UBE2L3: variants seen among roughly 807,000 people sequenced by gnomAD.
UBE2L3 encodes the protein ubiquitin-conjugating enzyme E2 L3.
Under a neutral mutation model 17.8 loss-of-function variants are expected in UBE2L3, and 1 was observed. That is an observed-to-expected ratio of 0.06 (90% CI 0.02 to 0.27). The LOEUF (loss-of-function observed/expected upper bound fraction) is 0.27. Ranked by LOEUF, UBE2L3 falls within the 10% of genes least tolerant of loss-of-function variation. The probability of loss-of-function intolerance (pLI) is 1.00; values close to 1 mark genes in which losing one functional copy is unlikely to be tolerated. For synonymous variants in UBE2L3, 44 were observed against 68.5 expected, an observed-to-expected ratio of 0.64 and a Z score of 1.76; for missense variants, 40 against 192.6, an observed-to-expected ratio of 0.21 and a Z score of 4.69.
At chr22:21,586,875 C>CTTTT (rs34463645) in intron 1 of UBE2L3, among the ~76,000 whole-genome samples, 1 of 118,928 alleles carries the variant, frequency 8.4e-6, no homozygotes, top group Non-Finnish European at 1.7e-5. Context: ...TGTGCCCGGC[C>CTTTT]TTTTTTTTTT....
At chr22:21,577,928 G>A (rs1927404122) in intron 1 of UBE2L3, among the ~76,000 whole-genome samples, 1 of 152,190 alleles carries the variant, frequency 6.6e-6, no homozygotes, top group Non-Finnish European at 1.5e-5. Flanking sequence ...CAGGGCTCAT[G>A]TGATGCTCCA....
intron 1 of UBE2L3, among the ~76,000 whole-genome samples, chr22:21,558,518 C>T (rs1428050421): frequency 6.6e-6 from 1 of 151,748 alleles, no homozygotes; most frequent in African/African-American, 2.4e-5. Flanking sequence ...GTAGTCCCAG[C>T]TACTTGGGAG....
chr22:21,617,286 G>A (rs146729862), intron 3 of UBE2L3, among the ~76,000 whole-genome samples: 1,662 of 151,688 alleles, frequency 0.011, 35 homozygotes, highest in African/African-American at 0.037. Flanking sequence ...TTTGTTGGGG[G>A]GACAGAGTCT....
chr22:21,620,602 C>T (rs1466353553), intron 3 of UBE2L3, among the ~76,000 whole-genome samples: 1 of 152,116 alleles, frequency 6.6e-6, no homozygotes, highest in Non-Finnish European at 1.5e-5. Flanking sequence ...TCCTTCCACC[C>T]TGGGGCACGT....
At chr22:21,578,376 AAAG>A (rs909940403) in intron 1 of UBE2L3, among the ~76,000 whole-genome samples, 4 of 151,818 alleles carry the variant, frequency 2.6e-5, no homozygotes, top group Non-Finnish European at 5.9e-5. Context: ...AAAAAAAAAA[AAAG>A]AACAGTCAGC....
chr22:21,580,112 T>TC lies in UBE2L3; in HGVS notation c.27+12344dup, dbSNP rs572626480. On this transcript the variant is annotated intron_variant, in intron 1 of 3. Coordinates refer to ENST00000342192, the MANE Select transcript of UBE2L3 (RefSeq NM_003347.4). ...CAGAGCAAGCTAAGCCCTCCTGGGATCCCACAGAGTAAACAGGAAAACCTG... is the reference window on the plus strand; with the variant it reads ...CAGAGCAAGCTAAGCCCTCCTGGGATCCCCACAGAGTAAACAGGAAAACCTG... Among the ~76,000 whole-genome samples the TC allele has an allele frequency of 3.4e-3, 517 of 152,312 alleles. 5 individuals are homozygous for TC. The highest frequency in any genetic ancestry group is 0.011 in the African/African-American group (467 of 41,568).
At chr22:21,600,214 C>T (rs1024451718) in intron 2 of UBE2L3, among the ~76,000 whole-genome samples, 5 of 151,694 alleles carry the variant, frequency 3.3e-5, no homozygotes, top group African/African-American at 1.2e-4. Context: ...TTGGGAGGCT[C>T]AGCCAGGAGA....
At chr22:21,615,444 ACT>A (rs1929717876) in intron 3 of UBE2L3, among the ~76,000 whole-genome samples, 1 of 150,976 alleles carries the variant, frequency 6.6e-6, no homozygotes, top group Admixed American at 6.6e-5. Flanking sequence ...AGTCCCAGCT[ACT>A]CGGGAGGCTG....
intron 1 of UBE2L3, among the ~76,000 whole-genome samples, chr22:21,589,399 G>A (rs142184663): frequency 0.014 from 2,071 of 151,882 alleles, 42 homozygotes; most frequent in Middle Eastern, 0.055. Context: ...CGCCCACCTC[G>A]GCCTCCCGAA....
intron 1 of UBE2L3, among the ~76,000 whole-genome samples, chr22:21,570,538 A>G (rs886840455): frequency 1.3e-5 from 2 of 152,210 alleles, no homozygotes; most frequent in African/African-American, 4.8e-5. Context: ...TCCTGGCTCC[A>G]GGATCCAAAT....
chr22:21,590,834 T>G (rs1568978596), intron 1 of UBE2L3, among the ~76,000 whole-genome samples: 1 of 152,140 alleles, frequency 6.6e-6, no homozygotes, highest in Non-Finnish European at 1.5e-5. Context: ...CCACCCCAGA[T>G]TCCTTTTTCC....
chr22:21,567,469 T>C (rs1926687891), upstream of UBE2L3: 1 of 566,286 alleles, frequency 1.8e-6, no homozygotes, highest in Admixed American at 3.8e-5. Flanking sequence ...GGTCAACTAT[T>C]TTATGCAATC....
At chr22:21,601,647 T>C (rs1227529321) in intron 2 of UBE2L3, among the ~76,000 whole-genome samples, 1 of 151,588 alleles carries the variant, frequency 6.6e-6, no homozygotes, top group Admixed American at 6.6e-5. Context: ...CCAGAGTGGA[T>C]CACGAAGGCT....
In UBE2L3 at chr22:21,621,701, G is replaced by A. The variant is rs761512416; in HGVS notation, c.*32G>A. 3.2e-6 allele frequency: 5 copies of A among 1,549,262 alleles called. No individual in the cohort carries two copies. In the South Asian group the frequency reaches 5.7e-5, roughly 18 times the overall value. ...CCACGATTGGTTCCAGCAAGTGTGA[G>A]CAGAGACCCCGTGCAGTGCATTCAG... On this transcript the variant is annotated 3_prime_UTR_variant, in exon 4 of 4. Transcript: ENST00000342192.
At chr22:21,560,576 A>G (rs1926398701) in intron 1 of UBE2L3, among the ~76,000 whole-genome samples, 1 of 147,430 alleles carries the variant, frequency 6.8e-6, no homozygotes, top group South Asian at 2.2e-4. Flanking sequence ...TCAGCCTCCC[A>G]AGTAGCTGGG....
rs200733653 is a variant in UBE2L3 at position 21,606,077 on chromosome 22, G to C, written c.124-4780G>C. ...AGGCTGTTGCTACTCCCATTTTACA[G>C]ATGTACAGGAACATTCTCAGACTCT... On this transcript the variant is annotated intron_variant, in intron 2 of 3. Transcript: ENST00000342192. Among the ~76,000 whole-genome samples the C allele has an allele frequency of 3.9e-5, 6 of 152,334 alleles. No homozygotes were observed. In the East Asian group the frequency reaches 1.2e-3, roughly 29 times the overall value.
intron 1 of UBE2L3, among the ~76,000 whole-genome samples, chr22:21,568,690 CTG>C (rs1156968004): frequency 6.6e-6 from 1 of 152,122 alleles, no homozygotes; most frequent in Admixed American, 6.6e-5. Flanking sequence ...CCGCCAGCAT[CTG>C]TGAGTCGGCG....
At position 21,567,778 on chromosome 22, in the gene UBE2L3, G is replaced by C. The variant is rs993274636; in HGVS notation, c.27+7G>C. 1.9e-6 allele frequency: 3 copies of C among 1,580,828 alleles called. No individual in the cohort carries two copies. The East Asian group carries it at 6.8e-5, about 36-fold the overall frequency. On this transcript the variant is annotated splice_region_variant and intron_variant, in intron 1 of 3. Coordinates refer to ENST00000342192, the MANE Select transcript of UBE2L3 (RefSeq NM_003347.4). Reference sequence around the variant, plus strand: ...CAGCAGGAGGCTGATGAAGGTAAAAGCCATTCTCTGGCAGCGGCCGGGCGT... The same window carrying C: ...CAGCAGGAGGCTGATGAAGGTAAAACCCATTCTCTGGCAGCGGCCGGGCGT...
At chr22:21,615,240 T>C (rs1929701539) in intron 3 of UBE2L3, among the ~76,000 whole-genome samples, 2 of 151,548 alleles carry the variant, frequency 1.3e-5, no homozygotes, top group Non-Finnish European at 2.9e-5. Flanking sequence ...AAGTACTGTC[T>C]TATGGTACAT....
Sources: gnomAD v4.1 joint callset for allele counts (sites outside exome capture counted in the v4.1 genomes callset) on GRCh38, gnomAD v4.1.1 for gene constraint, MANE v1.5 for transcripts, NCBI Gene and HGNC (gene_info 2026-07-23, HGNC 2026-07-21) for gene names.